SNX3: variants seen among roughly 807,000 people sequenced by gnomAD.
SNX3 encodes sorting nexin-3.
A neutral mutation model predicts 17.7 loss-of-function variants in SNX3; 5 were observed. The ratio of observed to expected loss-of-function variants is 0.28; its 90% confidence interval spans 0.15 to 0.59. The LOEUF (loss-of-function observed/expected upper bound fraction) is 0.59, where lower values mean the gene tolerates loss of function less well. Ranked by LOEUF, SNX3 falls within the 20% of genes least tolerant of loss-of-function variation. The pLI, the probability that SNX3 is intolerant of heterozygous loss-of-function variation, is 0.88. For synonymous variants in SNX3, 91 were observed against 76.5 expected, an observed-to-expected ratio of 1.19 and a Z score of -0.99; for missense variants, 132 against 206.8, an observed-to-expected ratio of 0.64 and a Z score of 2.22.
intron 1 of SNX3, among the ~76,000 whole-genome samples, chr6:108,244,597 T>C (rs1193712554): frequency 6.6e-6 from 1 of 150,756 alleles, no homozygotes. Flanking sequence ...CATCAATCTC[T>C]GGAATAACCA....
rs1028721312 is a variant in SNX3, at chr6:108,222,112, C to A, written c.258+838G>T. 11 of 903,790 alleles carry A rather than the reference C, an allele frequency of 1.2e-5. No homozygotes were observed. In the African/African-American group the frequency reaches 1.9e-4, roughly 16 times the overall value. 56.0% of individuals were successfully genotyped at this position (903,790 alleles called of 1,614,324 possible). On this transcript the variant is annotated intron_variant, in intron 2 of 3. Transcript: ENST00000230085. ...CTGCATATTTTGTGCTCATATGCAGCCACTTTTATCTTAGGCTAGAAACAG... is the reference window on the plus strand; with the variant it reads ...CTGCATATTTTGTGCTCATATGCAGACACTTTTATCTTAGGCTAGAAACAG...
intron 2 of SNX3, 39 bp from the exon 3 acceptor site, chr6:108,214,661 T>C (rs1404948855): frequency 1.3e-6 from 2 of 1,590,930 alleles, no homozygotes; most frequent in East Asian, 2.2e-5. Context: ...TCATGATGAC[T>C]GGGTTGTGAA....
chr6:108,244,605 C>G (rs1241687689), intron 1 of SNX3, among the ~76,000 whole-genome samples: 1 of 151,162 alleles, frequency 6.6e-6, no homozygotes, highest in Non-Finnish European at 1.5e-5. Flanking sequence ...TCTGGAATAA[C>G]CACATTTAAA....
At chr6:108,226,565 C>T (rs1031729961) in intron 1 of SNX3, among the ~76,000 whole-genome samples, 6 of 152,094 alleles carry the variant, frequency 3.9e-5, no homozygotes, top group Admixed American at 2.0e-4. Flanking sequence ...AAGTGTTTTA[C>T]AATTGGAAGA....
intron 1 of SNX3, among the ~76,000 whole-genome samples, chr6:108,233,995 CTACA>C (rs1775247363): frequency 6.6e-6 from 1 of 151,962 alleles, no homozygotes; most frequent in African/African-American, 2.4e-5. Context: ...TTCTAAGCTT[CTACA>C]TATGGTGCAT....
chr6:108,257,978 A>T (rs545481121), intron 1 of SNX3, among the ~76,000 whole-genome samples: 1 of 152,154 alleles, frequency 6.6e-6, no homozygotes, highest in East Asian at 1.9e-4. Context: ...GAATAAAAAT[A>T]AAAATAAAAA....
intron 2 of SNX3, 57 bp downstream of exon 2, chr6:108,222,893 T>G: frequency 1.0e-6 from 1 of 985,964 alleles, no homozygotes; most frequent in Non-Finnish European, 1.6e-6. Context: ...CTGAGAAATA[T>G]TAAACATTAA....
intron 1 of SNX3, among the ~76,000 whole-genome samples, chr6:108,231,947 G>T (rs990299369): frequency 2.0e-5 from 3 of 152,162 alleles, no homozygotes; most frequent in Non-Finnish European, 4.4e-5. Flanking sequence ...TTAAACAAGG[G>T]TTTATAGTCT....
intron 2 of SNX3, among the ~76,000 whole-genome samples, chr6:108,222,083 T>C (rs191513782): frequency 6.6e-6 from 1 of 152,244 alleles, no homozygotes; most frequent in Admixed American, 6.5e-5. Flanking sequence ...TGGAATGCTA[T>C]GATCTGCATA....
intron 3 of SNX3, among the ~76,000 whole-genome samples, chr6:108,212,882 C>CT (rs776376957): frequency 0.034 from 4,088 of 118,852 alleles, 102 homozygotes; most frequent in African/African-American, 0.052. Context: ...TCCTAAGAAT[C>CT]TTTTTTTTTT....
chr6:108,225,614 AGAGT>A (rs764864904), intron 1 of SNX3, among the ~76,000 whole-genome samples: 4 of 152,200 alleles, frequency 2.6e-5, no homozygotes, highest in Non-Finnish European at 5.9e-5. Context: ...CCTGAGCGAC[AGAGT>A]GAGACTCTGA....
At chr6:108,236,971 GT>G (rs1364702783) in intron 1 of SNX3, among the ~76,000 whole-genome samples, 3 of 152,154 alleles carry the variant, frequency 2.0e-5, no homozygotes, top group Non-Finnish European at 4.4e-5. Context: ...CACAAAGAAT[GT>G]TTATTGTTCT....
Position 108,211,510 on chromosome 6 carries a change from C to G in SNX3, c.*639G>C, listed in dbSNP as rs1774404179. Reference sequence around the variant, plus strand: ...CAAAAAAAGCTGGAGGCAACACAATCAGTGCATATCAGAAATGCATTTTAA... The same window carrying G: ...CAAAAAAAGCTGGAGGCAACACAATGAGTGCATATCAGAAATGCATTTTAA... On this transcript the variant is annotated 3_prime_UTR_variant, in exon 4 of 4. Transcript: ENST00000230085. 1 of 152,570 alleles carries G rather than the reference C, an allele frequency of 6.6e-6. No individual in the cohort carries two copies. 9.5% of individuals were successfully genotyped at this position (152,570 alleles called of 1,614,324 possible). A position where few individuals can be genotyped will look rare whatever the true frequency, so the allele number is the denominator to read the frequency against.
intron 1 of SNX3, among the ~76,000 whole-genome samples, chr6:108,249,548 C>T (rs1386913342): frequency 6.6e-6 from 1 of 152,058 alleles, no homozygotes; most frequent in Non-Finnish European, 1.5e-5. Flanking sequence ...GTTTGCTGAC[C>T]GACCCTGAAC....
chr6:108,239,952 T>C (rs1039569173), intron 1 of SNX3, among the ~76,000 whole-genome samples: 6 of 152,032 alleles, frequency 3.9e-5, no homozygotes, highest in African/African-American at 1.4e-4. Context: ...AAGAAAAACA[T>C]AATATGAATA....
intron 1 of SNX3, among the ~76,000 whole-genome samples, chr6:108,225,240 C>T (rs1199727290): frequency 6.6e-6 from 1 of 151,758 alleles, no homozygotes; most frequent in Non-Finnish European, 1.5e-5. Context: ...CGAGATCGCG[C>T]CACTGCACTC....
At chr6:108,237,513 C>A (rs1775386986) in intron 1 of SNX3, among the ~76,000 whole-genome samples, 1 of 152,086 alleles carries the variant, frequency 6.6e-6, no homozygotes, top group African/African-American at 2.4e-5. Context: ...AGGCCAGGTG[C>A]GGTGGCTCAC....
At chr6:108,253,961 T>C (rs1775950765) in intron 1 of SNX3, among the ~76,000 whole-genome samples, 1 of 151,910 alleles carries the variant, frequency 6.6e-6, no homozygotes, top group Non-Finnish European at 1.5e-5. Flanking sequence ...CCATCTCTAC[T>C]GAAAACACAA....
chr6:108,249,575 C>T (rs1431080101), intron 1 of SNX3, among the ~76,000 whole-genome samples: 1 of 152,160 alleles, frequency 6.6e-6, no homozygotes, highest in African/African-American at 2.4e-5. Flanking sequence ...GAACCTGCTG[C>T]CCACTAGTTT....
Sources: allele counts gnomAD v4.1 joint callset (sites outside exome capture counted in the v4.1 genomes callset), GRCh38; gene constraint gnomAD v4.1.1; transcripts MANE v1.5; gene names NCBI Gene and HGNC (gene_info 2026-07-23, HGNC 2026-07-21).